Variants in GALNTL6 observed in about 807,000 individuals in gnomAD.
GALNTL6 encodes the protein polypeptide N-acetylgalactosaminyltransferase-like 6.
Under a neutral mutation model 73.7 loss-of-function variants are expected in GALNTL6, and 46 were observed. The ratio of observed to expected loss-of-function variants is 0.62; its 90% CI spans 0.49 to 0.80. The LOEUF (loss-of-function observed/expected upper bound fraction) is 0.80. GALNTL6 is among the 30% of genes least tolerant of loss of function. The pLI, the probability that GALNTL6 is intolerant of heterozygous loss-of-function variation, is 0.00. For missense variants in GALNTL6, 604 were observed against 755.0 expected (o/e 0.80, Z 2.34); for synonymous variants, 259 against 263.7 (o/e 0.98, Z 0.17).
At chr4:172,078,783 A>G (rs1398553759) in intron 2 of GALNTL6, among the ~76,000 whole-genome samples, 1 of 152,150 alleles carries the variant, frequency 6.6e-6, no homozygotes, top group Admixed American at 6.6e-5. Context: ...TTTATAGGGA[A>G]CTGAAATAAA....
intron 2 of GALNTL6, among the ~76,000 whole-genome samples, chr4:171,827,761 C>T (rs978500823): frequency 4.6e-5 from 7 of 152,230 alleles, no homozygotes; most frequent in South Asian, 4.1e-4. Flanking sequence ...TCACTGTCTT[C>T]GGTACCTTCA....
intron 5 of GALNTL6, among the ~76,000 whole-genome samples, chr4:172,358,712 G>T (rs552975332): frequency 6.6e-6 from 1 of 152,054 alleles, no homozygotes; most frequent in Non-Finnish European, 1.5e-5. Flanking sequence ...TCATGTAATT[G>T]TGATGAGGGA....
intron 2 of GALNTL6, among the ~76,000 whole-genome samples, chr4:172,016,239 T>C (rs1224129068): frequency 6.6e-6 from 1 of 152,012 alleles, no homozygotes; most frequent in African/African-American, 2.4e-5. Context: ...CTCAAGTTTC[T>C]TGGAGGTGTT....
chr4:172,077,851 T>G (rs1341110134), intron 2 of GALNTL6, among the ~76,000 whole-genome samples: 1 of 152,104 alleles, frequency 6.6e-6, no homozygotes, highest in Non-Finnish European at 1.5e-5. Flanking sequence ...ATCACAGGCC[T>G]GGAGACCTAG....
At chr4:172,194,948 A>G (rs1735710190) in intron 2 of GALNTL6, among the ~76,000 whole-genome samples, 1 of 152,218 alleles carries the variant, frequency 6.6e-6, no homozygotes, top group Non-Finnish European at 1.5e-5. Flanking sequence ...GCATAATAAT[A>G]TTAACCTTAA....
intron 5 of GALNTL6, among the ~76,000 whole-genome samples, chr4:172,446,792 A>G (rs1732038408): frequency 6.6e-6 from 1 of 152,190 alleles, no homozygotes; most frequent in African/African-American, 2.4e-5. Context: ...CCTTGAGAGA[A>G]GGATAAATCC....
chr4:172,293,114 T>C (rs1239729914), intron 3 of GALNTL6, among the ~76,000 whole-genome samples: 1 of 152,176 alleles, frequency 6.6e-6, no homozygotes. Context: ...TCTTCTTTTA[T>C]TTATTTGATA....
intron 8 of GALNTL6, among the ~76,000 whole-genome samples, chr4:172,927,706 A>G (rs1280558640): frequency 6.6e-6 from 1 of 152,144 alleles, no homozygotes; most frequent in African/African-American, 2.4e-5. Flanking sequence ...CCAATGCATG[A>G]CATCTCAGGT....
At chr4:171,867,522 A>G (rs931527579) in intron 2 of GALNTL6, among the ~76,000 whole-genome samples, 3 of 152,190 alleles carry the variant, frequency 2.0e-5, no homozygotes, top group Admixed American at 1.3e-4. Context: ...CAAATTTACC[A>G]CTTGTTTCCA....
At chr4:172,648,527 T>A (rs1740340925) in intron 5 of GALNTL6, among the ~76,000 whole-genome samples, 2 of 152,156 alleles carry the variant, frequency 1.3e-5, no homozygotes, top group South Asian at 4.1e-4. Context: ...AAACTAAGGC[T>A]TATCTTGCCC....
rs181551287 is a variant in GALNTL6 at position 171,990,264 on chromosome 4, G to T, written c.138+175546G>T. On this transcript the variant is annotated intron_variant, in intron 2 of 12. Coordinates refer to ENST00000506823, the MANE Select transcript of GALNTL6 (RefSeq NM_001034845.3). ...CTAAAATTTATCAAGTGCATACCAT[G>T]TATTGGGCAGCCTTCTAAGTACTTC... Among the ~76,000 whole-genome samples the T allele has an allele frequency of 4.3e-4, 65 of 152,256 alleles. No homozygotes were observed. The East Asian group carries it at 0.011, about 25-fold the overall frequency.
intron 5 of GALNTL6, among the ~76,000 whole-genome samples, chr4:172,481,689 T>C (rs903823573): frequency 1.3e-5 from 2 of 152,092 alleles, no homozygotes; most frequent in Non-Finnish European, 2.9e-5. Flanking sequence ...CTAGATTAGC[T>C]AGAGGCAGAG....
chr4:173,006,040 T>A (rs149618284), intron 10 of GALNTL6, among the ~76,000 whole-genome samples: 27 of 152,300 alleles, frequency 1.8e-4, no homozygotes, highest in African/African-American at 6.3e-4. Flanking sequence ...GGCAGACTTG[T>A]CACTCAGTGT....
At chr4:172,988,558 A>C (rs797011890) in intron 10 of GALNTL6, among the ~76,000 whole-genome samples, 11 of 152,336 alleles carry the variant, frequency 7.2e-5, no homozygotes, top group African/African-American at 2.4e-4. Context: ...ATGCCTAAAT[A>C]AAGAGGAGCC....
chr4:172,205,617 C>T (rs569333309), intron 2 of GALNTL6, among the ~76,000 whole-genome samples: 94 of 152,298 alleles, frequency 6.2e-4, no homozygotes, highest in Middle Eastern at 3.4e-3. Flanking sequence ...TATTTCCAGT[C>T]CCATTCTTAC....
rs149903854 is a variant in GALNTL6, at chr4:172,278,726, A to T, written c.248-32888A>T. Among the ~76,000 whole-genome samples, 117 of 152,330 alleles carry T rather than the reference A, an allele frequency of 7.7e-4. 1 individual carries two copies. In the East Asian group the frequency reaches 0.019, roughly 24 times the overall value. On this transcript the variant is annotated intron_variant, in intron 3 of 12. Coordinates refer to ENST00000506823, the MANE Select transcript of GALNTL6 (RefSeq NM_001034845.3). ...GATCGATAACTATTCTAGATATAGA[A>T]TTCCATGTTTCAAAAAAATTAAGAA...
At chr4:172,477,813 T>C (rs1364832739) in intron 5 of GALNTL6, among the ~76,000 whole-genome samples, 1 of 151,680 alleles carries the variant, frequency 6.6e-6, no homozygotes, top group African/African-American at 2.4e-5. Flanking sequence ...ATTGACTCTT[T>C]AACGCTGTAA....
chr4:172,894,033 G>T (rs1746190660), intron 8 of GALNTL6, among the ~76,000 whole-genome samples: 1 of 152,098 alleles, frequency 6.6e-6, no homozygotes, highest in East Asian at 1.9e-4. Flanking sequence ...TTCAAATATG[G>T]TGTATATGTC....
At chr4:172,884,081 G>T (rs561962690) in intron 8 of GALNTL6, among the ~76,000 whole-genome samples, 7 of 152,178 alleles carry the variant, frequency 4.6e-5, no homozygotes, top group African/African-American at 7.2e-5. Flanking sequence ...ACAAAAAAAT[G>T]GGAATGCAGA....
Sources: gnomAD v4.1 joint callset for allele counts (sites outside exome capture counted in the v4.1 genomes callset) on GRCh38, gnomAD v4.1.1 for gene constraint, MANE v1.5 for transcripts, NCBI Gene and HGNC (gene_info 2026-07-23, HGNC 2026-07-21) for gene names.